The following NEO1 variants were observed in gnomAD, a reference collection of about 807,000 sequenced individuals.
NEO1 encodes the protein neogenin.
NEO1 carries 63 observed loss-of-function variants against 159.7 expected under a neutral mutation model. The observed-to-expected ratio is 0.39, with a 90% confidence interval of 0.32 to 0.49. The LOEUF (loss-of-function observed/expected upper bound fraction) is 0.49. NEO1 is among the 20% of genes least tolerant of loss of function. The pLI is 0.85. For synonymous variants in NEO1, 633 were observed against 662.0 expected, an observed-to-expected ratio of 0.96 and a Z score of 0.67; for missense variants, 1,615 against 1,831.0, an observed-to-expected ratio of 0.88 and a Z score of 2.15.
chr15:73,060,107 A>C (rs2067906811), intron 1 of NEO1, among the ~76,000 whole-genome samples: 1 of 152,200 alleles, frequency 6.6e-6, no homozygotes, highest in African/African-American at 2.4e-5. Context: ...TATAATTTAC[A>C]AATTTAGGGA....
At chr15:73,138,240 G>T (rs761764917) in intron 5 of NEO1, among the ~76,000 whole-genome samples, 19 of 152,170 alleles carry the variant, frequency 1.2e-4, no homozygotes, top group South Asian at 4.1e-4. Flanking sequence ...CCTAAGTGTT[G>T]ATTTGAGAAA....
chr15:73,289,081 A>G (rs1389568222), intron 24 of NEO1, 65 bp from the exon 25 acceptor site: 1 of 1,257,158 alleles, frequency 8.0e-7, no homozygotes, highest in Non-Finnish European at 1.2e-6. Flanking sequence ...GAAATGTTTC[A>G]CTGTTGAGGC....
intron 1 of NEO1, among the ~76,000 whole-genome samples, chr15:73,084,262 CCTAT>C (rs1281631630): frequency 6.6e-6 from 1 of 152,162 alleles, no homozygotes. Flanking sequence ...ACTTATTCCT[CCTAT>C]CTAACTGAAA....
intron 1 of NEO1, among the ~76,000 whole-genome samples, chr15:73,101,324 T>G (rs754802316): frequency 1.3e-5 from 2 of 152,278 alleles, no homozygotes; most frequent in African/African-American, 4.8e-5. Flanking sequence ...AAACAAACTT[T>G]GTACAATTTC....
At chr15:73,260,538 T>A in intron 15 of NEO1, 73 bp downstream of exon 15, 1 of 1,321,996 alleles carries the variant, frequency 7.6e-7, no homozygotes. Context: ...GTAATATTTT[T>A]ATTTTTACAA....
chr15:73,188,008 C>T (rs1282523791), intron 7 of NEO1, among the ~76,000 whole-genome samples: 19 of 152,186 alleles, frequency 1.2e-4, no homozygotes. Flanking sequence ...TGCCTTTCTC[C>T]TACCAAATCC....
chr15:73,225,739 C>T (rs2038546466), intron 7 of NEO1, among the ~76,000 whole-genome samples: 2 of 152,150 alleles, frequency 1.3e-5, no homozygotes, highest in Admixed American at 6.5e-5. Context: ...AAGAAAAGGG[C>T]TTGATTCTTC....
chr15:73,257,946 G>C (rs1293989488), intron 13 of NEO1, among the ~76,000 whole-genome samples: 1 of 152,128 alleles, frequency 6.6e-6, no homozygotes, highest in African/African-American at 2.4e-5. Flanking sequence ...CTTTTGTCTT[G>C]CTCCTTGCTT....
chr15:73,227,666 T>G (rs2038668767), intron 7 of NEO1, among the ~76,000 whole-genome samples: 1 of 152,240 alleles, frequency 6.6e-6, no homozygotes, highest in Non-Finnish European at 1.5e-5. Context: ...CGGACAGCAA[T>G]GCTCACATTT....
intron 22 of NEO1, among the ~76,000 whole-genome samples, chr15:73,280,116 A>G (rs978794721): frequency 1.3e-4 from 20 of 152,102 alleles, no homozygotes; most frequent in African/African-American, 4.6e-4. Context: ...AAGTCAGGCA[A>G]GAGGGGTTAG....
chr15:73,268,743 G>A (rs1251713480), intron 16 of NEO1, among the ~76,000 whole-genome samples: 5 of 152,286 alleles, frequency 3.3e-5, no homozygotes, highest in South Asian at 4.1e-4. Flanking sequence ...GGGAAAGCCC[G>A]TATGGATTCT....
chr15:73,210,307 C>T (rs56740080), intron 7 of NEO1, among the ~76,000 whole-genome samples: 1,940 of 152,264 alleles, frequency 0.013, 29 homozygotes, highest in African/African-American at 0.044. Context: ...TGCATTTACT[C>T]CCAGGAGCCT....
intron 7 of NEO1, among the ~76,000 whole-genome samples, chr15:73,221,256 C>T (rs1225636362): frequency 4.6e-5 from 7 of 152,072 alleles, no homozygotes; most frequent in Admixed American, 6.6e-5. Context: ...TCGTGAACCA[C>T]GAATGCTGCT....
At chr15:73,253,309 C>T (rs2150955001) in intron 11 of NEO1, 91 bp from the exon 12 acceptor site, 1 of 659,790 alleles carries the variant, frequency 1.5e-6, no homozygotes, top group Non-Finnish European at 2.5e-6. Flanking sequence ...TTGAGATGTG[C>T]ATTTGTTTAA....
chr15:73,117,913 C>G (rs1264878258), intron 2 of NEO1, among the ~76,000 whole-genome samples: 1 of 151,418 alleles, frequency 6.6e-6, no homozygotes, highest in Non-Finnish European at 1.5e-5. Context: ...TCCTTCTTTC[C>G]TCTTTTTATT....
chr15:73,164,334 C>T (rs990590502), intron 5 of NEO1, among the ~76,000 whole-genome samples: 1 of 151,960 alleles, frequency 6.6e-6, no homozygotes, highest in African/African-American at 2.4e-5. Context: ...CTGTCTCAGC[C>T]TTCCAAGTAG....
intron 5 of NEO1, among the ~76,000 whole-genome samples, chr15:73,168,963 T>C (rs975833152): frequency 3.9e-5 from 6 of 152,098 alleles, no homozygotes; most frequent in African/African-American, 1.2e-4. Context: ...ATGGACAAAA[T>C]TGATTTCTTT....
intron 7 of NEO1, among the ~76,000 whole-genome samples, chr15:73,195,884 A>G (rs2036507482): frequency 6.6e-6 from 1 of 152,220 alleles, no homozygotes; most frequent in Admixed American, 6.5e-5. Context: ...ATCTCAGGAA[A>G]TAAAAACTGC....
In NEO1 at chr15:73,052,592, G is replaced by C; in HGVS notation, c.-84G>C. 1.1e-6 allele frequency: 1 copy of C among 893,944 alleles called. No individual in the cohort carries two copies. Among genetic ancestry groups the C allele is most frequent in the East Asian group, 5.0e-5 (1 of 19,860 alleles). The allele number at this position is 893,944 out of a possible 1,614,324, so 55.4% of individuals were successfully genotyped here. A position where few individuals can be genotyped will look rare whatever the true frequency, so the allele number is the denominator to read the frequency against. The stretch of plus-strand genomic sequence containing the variant: ...CCGCGGGAGCCGAGCTTGCAGCGAG[G>C]GACCGGCTGAGGCGCGCGGGAGGGA... On this transcript the variant is annotated 5_prime_UTR_variant, in exon 1 of 29. Transcript: ENST00000261908.
Sources: gnomAD v4.1 joint callset for allele counts (sites outside exome capture counted in the v4.1 genomes callset) on GRCh38, gnomAD v4.1.1 for gene constraint, MANE v1.5 for transcripts, NCBI Gene and HGNC (gene_info 2026-07-23, HGNC 2026-07-21) for gene names.